Variants in CDH12 observed in about 807,000 individuals in gnomAD.
CDH12 encodes the protein cadherin-12.
A neutral mutation model predicts 74.1 loss-of-function variants in CDH12; 41 were observed. The observed-to-expected ratio is 0.55, with a 90% confidence interval of 0.43 to 0.72. The LOEUF is 0.72. Among genes scored for constraint, CDH12 ranks in the 30% least tolerant of loss-of-function variants. The pLI, the probability that CDH12 is intolerant of heterozygous loss-of-function variation, is 0.00. For synonymous variants in CDH12, 399 were observed against 355.0 expected (o/e 1.12, Z -1.39); for missense variants, 945 against 977.2 (o/e 0.97, Z 0.44).
At chr5:22,305,033 C>T (rs1394540039) in intron 3 of CDH12, among the ~76,000 whole-genome samples, 1 of 152,188 alleles carries the variant, frequency 6.6e-6, no homozygotes, top group South Asian at 2.1e-4. Flanking sequence ...TAAAAATACT[C>T]TCATGCCATA....
At chr5:22,807,376 A>G (rs542123265) in intron 1 of CDH12, among the ~76,000 whole-genome samples, 1 of 152,334 alleles carries the variant, frequency 6.6e-6, no homozygotes, top group Non-Finnish European at 1.5e-5. Context: ...TTTTTAGACT[A>G]TTAATCCGTA....
chr5:22,348,309 G>T (rs1740211599), intron 3 of CDH12, among the ~76,000 whole-genome samples: 1 of 152,200 alleles, frequency 6.6e-6, no homozygotes, highest in South Asian at 2.1e-4. Context: ...CTTAGTGGTA[G>T]CAGAGAGGTT....
chr5:22,366,573 C>A (rs1741039673), intron 3 of CDH12, among the ~76,000 whole-genome samples: 1 of 152,086 alleles, frequency 6.6e-6, no homozygotes, highest in South Asian at 2.1e-4. Flanking sequence ...ATTACATTAA[C>A]CTCTCGTTTT....
At chr5:22,419,776 A>T (rs1743558134) in intron 2 of CDH12, among the ~76,000 whole-genome samples, 1 of 152,212 alleles carries the variant, frequency 6.6e-6, no homozygotes, top group Non-Finnish European at 1.5e-5. Context: ...AAAACTGTAA[A>T]AGCATTCCTA....
In CDH12 at chr5:22,750,256, A is replaced by G. The variant is rs149233041; in HGVS notation, c.-523+102802T>C. Among the ~76,000 whole-genome samples the G allele has an allele frequency of 2.0e-5, 3 of 152,252 alleles. No homozygotes were observed. The East Asian group carries it at 5.8e-4, about 29-fold the overall frequency. On this transcript the variant is annotated intron_variant, in intron 1 of 14. Transcript: ENST00000382254. ...AAAGAGAGCCACAGGAGATGACACT[A>G]AAAAGGAAAACTGGGTTCGCATGCT...
intron 6 of CDH12, among the ~76,000 whole-genome samples, chr5:21,964,636 CT>C (rs1473915286): frequency 1.1e-4 from 16 of 151,874 alleles, no homozygotes; most frequent in Admixed American, 5.3e-4. Context: ...GCTAAGCCTG[CT>C]TTTGTTGTAT....
chr5:21,864,227 A>G (rs1751207162), intron 6 of CDH12, among the ~76,000 whole-genome samples: 1 of 152,002 alleles, frequency 6.6e-6, no homozygotes, highest in Non-Finnish European at 1.5e-5. Context: ...TTAAGTGTCA[A>G]CTTGACTGAA....
intron 3 of CDH12, among the ~76,000 whole-genome samples, chr5:22,365,652 A>G (rs1740997804): frequency 1.3e-5 from 2 of 152,228 alleles, no homozygotes; most frequent in East Asian, 3.8e-4. Context: ...TTCTTCTTAT[A>G]GAAATGAAGC....
intron 1 of CDH12, among the ~76,000 whole-genome samples, chr5:22,771,154 T>C (rs1364606600): frequency 6.6e-6 from 1 of 152,142 alleles, no homozygotes; most frequent in Admixed American, 6.6e-5. Flanking sequence ...CATGGTTTAT[T>C]TTGTCAAATC....
chr5:22,283,478 T>C (rs957272522), intron 3 of CDH12, among the ~76,000 whole-genome samples: 17 of 151,848 alleles, frequency 1.1e-4, no homozygotes, highest in African/African-American at 3.9e-4. Flanking sequence ...ACAACATGGA[T>C]GAATTTTGAA....
At chr5:21,963,156 A>G (rs1035642559) in intron 6 of CDH12, among the ~76,000 whole-genome samples, 1 of 152,104 alleles carries the variant, frequency 6.6e-6, no homozygotes, top group African/African-American at 2.4e-5. Context: ...ATTTAATTCT[A>G]ATTTTAGATT....
intron 1 of CDH12, among the ~76,000 whole-genome samples, chr5:22,672,621 T>C (rs1740963996): frequency 6.6e-6 from 1 of 152,170 alleles, no homozygotes; most frequent in African/African-American, 2.4e-5. Flanking sequence ...CCTCCAGAAT[T>C]GTGAGCAAAA....
rs376418839 is a variant in CDH12, at chr5:21,765,020, C to T, written c.1473G>A (p.Val491=). ...DVNEFPPEIS[V]PYETAVCENA... ...TTTCACACACGGCTGTCTCATATGG[C>T]ACAGATATTTCTGGAGGAAATTCAT... The change falls in exon 12 of 15, where the codon GTG becomes GTA. Residue 491 remains valine (V), a synonymous_variant. Coordinates refer to ENST00000382254, the MANE Select transcript of CDH12 (RefSeq NM_004061.5). 1.6e-5 allele frequency: 26 copies of T among 1,613,116 alleles called. No individual in the cohort carries two copies. The highest frequency in any genetic ancestry group is 4.5e-5 in the East Asian group (2 of 44,792).
At chr5:22,133,518 A>G (rs906034152) in intron 4 of CDH12, among the ~76,000 whole-genome samples, 2 of 152,128 alleles carry the variant, frequency 1.3e-5, no homozygotes, top group African/African-American at 4.8e-5. Flanking sequence ...AATTCAACCC[A>G]AATGACAAAT....
At chr5:22,413,720 C>T (rs1475606538) in intron 2 of CDH12, among the ~76,000 whole-genome samples, 1 of 151,952 alleles carries the variant, frequency 6.6e-6, no homozygotes, top group East Asian at 1.9e-4. Context: ...TATAGACACA[C>T]ATACATATAG....
At chr5:21,831,924 A>G (rs374349422) in intron 8 of CDH12, among the ~76,000 whole-genome samples, 3 of 152,150 alleles carry the variant, frequency 2.0e-5, no homozygotes, top group South Asian at 4.1e-4. Context: ...CCAATATTTT[A>G]ATTTCTAAAA....
rs141770898 is a variant in CDH12 at position 22,369,186 on chromosome 5, T to C, written c.-333+36071A>G. ...AATAAAATAAAAACATCTTTTGAAA[T>C]TTGATGTCCCTTACACCTGTGTTAA... On this transcript the variant is annotated intron_variant, in intron 3 of 14. Coordinates refer to ENST00000382254, the MANE Select transcript of CDH12 (RefSeq NM_004061.5). Among the ~76,000 whole-genome samples the C allele has an allele frequency of 8.6e-5, 13 of 150,894 alleles. 1 individual carries two copies. In the East Asian group the frequency reaches 2.6e-3, roughly 30 times the overall value.
intron 1 of CDH12, among the ~76,000 whole-genome samples, chr5:22,672,514 G>A (rs1443699589): frequency 6.6e-6 from 1 of 152,064 alleles, no homozygotes; most frequent in African/African-American, 2.4e-5. Context: ...CCAACTTGAT[G>A]TTCTCTTTTT....
At chr5:22,710,588 T>G (rs896272658) in intron 1 of CDH12, among the ~76,000 whole-genome samples, 1 of 152,142 alleles carries the variant, frequency 6.6e-6, no homozygotes, top group Admixed American at 6.6e-5. Flanking sequence ...CTATAGAGTA[T>G]GATAATGGTA....
Sources: gnomAD v4.1 joint callset for allele counts (sites outside exome capture counted in the v4.1 genomes callset) on GRCh38, gnomAD v4.1.1 for gene constraint, MANE v1.5 for transcripts, NCBI Gene and HGNC (gene_info 2026-07-23, HGNC 2026-07-21) for gene names.